RIPOR2: variants seen among roughly 807,000 people sequenced by gnomAD.
RIPOR2 encodes RHO family interacting cell polarization regulator 2.
RIPOR2 carries 39 observed loss-of-function variants against 114.5 expected under a neutral mutation model. The observed-to-expected ratio is 0.34, with a 90% CI of 0.26 to 0.44. The LOEUF (loss-of-function observed/expected upper bound fraction) is 0.44. Ranked by LOEUF, RIPOR2 falls within the 20% of genes least tolerant of loss-of-function variation. The probability of loss-of-function intolerance (pLI) is 1.00; values close to 1 mark genes in which losing one functional copy is unlikely to be tolerated. For synonymous variants in RIPOR2, 445 were observed against 484.4 expected, an observed-to-expected ratio of 0.92 and a Z score of 1.07; for missense variants, 1,007 against 1,255.1, an observed-to-expected ratio of 0.80 and a Z score of 2.99.
chr6:24,975,037 A>C (rs62401112), intron 1 of RIPOR2, among the ~76,000 whole-genome samples: 150,067 of 152,328 alleles, frequency 0.99, 73,936 homozygotes, highest in Non-Finnish European at 1. Context: ...GGTTTCTTTT[A>C]ATGGTAATAA....
intron 1 of RIPOR2, among the ~76,000 whole-genome samples, chr6:24,943,193 GA>G (rs1397843398): frequency 6.6e-6 from 1 of 152,178 alleles, no homozygotes; most frequent in Non-Finnish European, 1.5e-5. Context: ...CCTTTGTAGG[GA>G]CATGGATGAA....
chr6:24,850,012 T>C (rs1199426650), intron 10 of RIPOR2, 62 bp from the exon 11 acceptor site: 1 of 1,436,322 alleles, frequency 7.0e-7, no homozygotes, highest in African/African-American at 1.4e-5. Flanking sequence ...GGTAGAATAA[T>C]GTGTCATTTT....
intron 13 of RIPOR2, 160 bp from the exon 14 acceptor site, chr6:24,839,432 A>G: frequency 4.9e-6 from 7 of 1,434,120 alleles, no homozygotes; most frequent in Non-Finnish European, 6.5e-6. Flanking sequence ...ATATCCAAAA[A>G]AGAAGTACAA....
chr6:24,864,518 G>T (rs1360488272), intron 7 of RIPOR2, among the ~76,000 whole-genome samples: 2 of 152,128 alleles, frequency 1.3e-5, no homozygotes, highest in African/African-American at 4.8e-5. Context: ...TCAGCTCTGG[G>T]AATTGTCCAA....
At chr6:24,892,572 T>C (rs1767470611) in intron 1 of RIPOR2, among the ~76,000 whole-genome samples, 1 of 152,192 alleles carries the variant, frequency 6.6e-6, no homozygotes. Context: ...AGAAAGTAGT[T>C]TTCATTCATT....
chr6:24,937,754 T>C (rs181144075), upstream of RIPOR2, among the ~76,000 whole-genome samples: 50 of 152,288 alleles, frequency 3.3e-4, no homozygotes, highest in Non-Finnish European at 6.3e-4. Flanking sequence ...ATGGGGGCTC[T>C]GAGGGCTTGA....
chr6:25,019,848 T>A (rs1442065268), intron 1 of RIPOR2, among the ~76,000 whole-genome samples: 6 of 149,582 alleles, frequency 4.0e-5, no homozygotes, highest in Non-Finnish European at 7.4e-5. Context: ...ATAAGTATGA[T>A]AATATACTGT....
chr6:24,930,648 C>T (rs1304980787), intron 1 of RIPOR2, among the ~76,000 whole-genome samples: 1 of 152,246 alleles, frequency 6.6e-6, no homozygotes, highest in Admixed American at 6.5e-5. Flanking sequence ...GTCACACAAG[C>T]ATGAATTACT....
chr6:24,845,724 C>A (rs115738151), intron 12 of RIPOR2, among the ~76,000 whole-genome samples: 3,270 of 152,198 alleles, frequency 0.021, 120 homozygotes, highest in African/African-American at 0.072. Flanking sequence ...GGTGTACACG[C>A]TATAACTGAG....
chr6:24,934,025 A>C (rs1177287335), intron 1 of RIPOR2, among the ~76,000 whole-genome samples: 1 of 152,222 alleles, frequency 6.6e-6, no homozygotes, highest in African/African-American at 2.4e-5. Flanking sequence ...AGTGCAGTGC[A>C]TCAGCCTATA....
chr6:24,997,346 G>C (rs531957117), intron 1 of RIPOR2, among the ~76,000 whole-genome samples: 2 of 152,214 alleles, frequency 1.3e-5, no homozygotes, highest in South Asian at 4.1e-4. Flanking sequence ...AGGGGAGGTG[G>C]GGTGGGAAGG....
chr6:25,040,352 G>A (rs576288040), intron 1 of RIPOR2, among the ~76,000 whole-genome samples: 4 of 151,962 alleles, frequency 2.6e-5, no homozygotes, highest in Non-Finnish European at 5.9e-5. Flanking sequence ...CTCACCTCAG[G>A]TGATCTGCCC....
chr6:24,829,210 G>A (rs1019110632), intron 17 of RIPOR2, among the ~76,000 whole-genome samples: 14 of 152,070 alleles, frequency 9.2e-5, no homozygotes, highest in Admixed American at 7.9e-4. Context: ...CTACTGGGTG[G>A]GGCTGAGGCA....
At position 24,872,769 on chromosome 6, in the gene RIPOR2, C is replaced by T. The variant is rs1041102268; in HGVS notation, c.423+112G>A. On this transcript the variant is annotated intron_variant, in intron 4 of 21. Coordinates refer to ENST00000643898, the MANE Select transcript of RIPOR2 (RefSeq NM_001286445.3). ...CATACTGGGGGATGCAGATAGTACT[C>T]TGCCCCTTGGATCTGCTTTTCTCAA... is the stretch of plus-strand genomic sequence containing the variant. 9 of 702,732 alleles carry T rather than the reference C, an allele frequency of 1.3e-5. No homozygotes were observed. The South Asian group carries it at 1.5e-4, about 12-fold the overall frequency. The allele number at this position is 702,732 out of a possible 1,614,324, so 43.5% of individuals were successfully genotyped here.
At position 24,867,699 on chromosome 6, in the gene RIPOR2, C is replaced by T. The variant is rs9467336; in HGVS notation, c.501+1395G>A. Reference sequence around the variant, plus strand: ...GTTTTTGCTTAAATATCAACCTATCCTAGCCAAATGGAATTAAACTTTTGG... The same window carrying T: ...GTTTTTGCTTAAATATCAACCTATCTTAGCCAAATGGAATTAAACTTTTGG... On this transcript the variant is annotated intron_variant, in intron 6 of 21. Coordinates refer to ENST00000643898, the MANE Select transcript of RIPOR2 (RefSeq NM_001286445.3). Among the ~76,000 whole-genome samples the T allele has an allele frequency of 1.1e-3, 172 of 152,294 alleles. 1 individual carries two copies. The highest frequency in any genetic ancestry group is 3.8e-3 in the African/African-American group (160 of 41,566).
At chr6:24,904,270 C>T (rs756983129) in intron 1 of RIPOR2, among the ~76,000 whole-genome samples, 22 of 152,302 alleles carry the variant, frequency 1.4e-4, no homozygotes, top group South Asian at 8.3e-4. Flanking sequence ...TGTTACCTTC[C>T]GGCGGCTCGA....
intron 1 of RIPOR2, among the ~76,000 whole-genome samples, chr6:24,933,610 T>C (rs1771553690): frequency 6.6e-6 from 1 of 152,180 alleles, no homozygotes; most frequent in African/African-American, 2.4e-5. Context: ...AGATAATCAG[T>C]TTGGAAAAGA....
At chr6:24,940,091 A>G (rs772780028), upstream of RIPOR2, among the ~76,000 whole-genome samples, 10 of 152,342 alleles carry the variant, frequency 6.6e-5, no homozygotes, top group Non-Finnish European at 1.0e-4. Flanking sequence ...TATATAAGTG[A>G]GAAGGCATGT....
intron 1 of RIPOR2, among the ~76,000 whole-genome samples, chr6:24,902,358 G>A (rs1226454042): frequency 2.0e-5 from 3 of 151,940 alleles, no homozygotes; most frequent in Admixed American, 1.3e-4. Flanking sequence ...GGGATTACAG[G>A]CACCCGCCAC....
Sources: gnomAD v4.1 joint callset for allele counts (sites outside exome capture counted in the v4.1 genomes callset) on GRCh38, gnomAD v4.1.1 for gene constraint, MANE v1.5 for transcripts, NCBI Gene and HGNC (gene_info 2026-07-23, HGNC 2026-07-21) for gene names.